Variants in MSR1 observed in about 807,000 individuals in gnomAD.
MSR1 encodes macrophage scavenger receptor types I and II.
A neutral mutation model predicts 47.2 loss-of-function variants in MSR1; 53 were observed. That is an observed-to-expected ratio of 1.12 (90% CI 0.90 to 1.41). The LOEUF is 1.41. MSR1 is among the 40% of genes most tolerant of loss of function. The pLI is 0.00. For missense variants in MSR1, 786 were observed against 546.9 expected, an observed-to-expected ratio of 1.44 and a Z score of -4.36; for synonymous variants, 239 against 185.6, an observed-to-expected ratio of 1.29 and a Z score of -2.34.
At chr8:16,117,176 C>T (rs1456482197) in intron 9 of MSR1, among the ~76,000 whole-genome samples, 1 of 152,142 alleles carries the variant, frequency 6.6e-6, no homozygotes, top group Non-Finnish European at 1.5e-5. Flanking sequence ...CGCTCCCTAT[C>T]ACTCACATTA....
intron 8 of MSR1, among the ~76,000 whole-genome samples, chr8:16,135,580 T>C (rs1800368875): frequency 6.6e-6 from 1 of 152,144 alleles, no homozygotes; most frequent in Non-Finnish European, 1.5e-5. Flanking sequence ...CAATATCCAT[T>C]GTGTAGCCCA....
intron 1 of MSR1, among the ~76,000 whole-genome samples, chr8:16,179,060 T>C (rs531947271): frequency 7.9e-5 from 12 of 152,226 alleles, no homozygotes; most frequent in Non-Finnish European, 1.3e-4. Flanking sequence ...TGTATCTTTC[T>C]ATTTACAAAC....
intron 9 of MSR1, among the ~76,000 whole-genome samples, chr8:16,111,081 AT>A (rs1056742635): frequency 1.5e-4 from 23 of 152,172 alleles, no homozygotes; most frequent in African/African-American, 5.3e-4. Context: ...CATGTTTCCT[AT>A]TGTGTTTGTG....
intron 8 of MSR1, among the ~76,000 whole-genome samples, chr8:16,137,940 T>A (rs1166114878): frequency 6.6e-6 from 1 of 151,684 alleles, no homozygotes; most frequent in African/African-American, 2.4e-5. Flanking sequence ...TGCAGGGAGC[T>A]ATGGTCGTGC....
Position 16,168,797 on chromosome 8 carries a change from G to C in MSR1, c.291C>G (p.Leu97=), listed in dbSNP as rs112531299. ...CTTCGCTGTCATTTCCTTTTCCCGT[G>C]AGACTTTGAGTTATATCATTTGCAT... is the stretch of plus-strand genomic sequence containing the variant. ...STNANDITQS[L]TGKGNDSEEE... Residue 97 remains leucine (L), a synonymous_variant, in exon 4 of 10, where the codon CTC becomes CTG. Coordinates refer to ENST00000262101, the MANE Select transcript of MSR1 (RefSeq NM_138715.3). The C allele has an allele frequency of 3.5e-4, 558 of 1,613,972 alleles. 4 individuals carry two copies. In the African/African-American group the frequency reaches 6.1e-3, roughly 18 times the overall value.
intron 8 of MSR1, among the ~76,000 whole-genome samples, chr8:16,132,729 C>T (rs1428010581): frequency 6.6e-6 from 1 of 152,112 alleles, no homozygotes; most frequent in Non-Finnish European, 1.5e-5. Context: ...AGGTGATCTT[C>T]CCACTGCAGC....
At chr8:16,136,296 A>T (rs566869783) in intron 8 of MSR1, among the ~76,000 whole-genome samples, 6 of 152,332 alleles carry the variant, frequency 3.9e-5, no homozygotes, top group Non-Finnish European at 7.3e-5. Flanking sequence ...CACGCTGATT[A>T]GTAAGCAGCC....
In MSR1 at chr8:16,178,162, G is replaced by A. The variant is rs139743125; in HGVS notation, c.-4-170C>T. On this transcript the variant is annotated intron_variant, in intron 1 of 9. Transcript: ENST00000262101. The stretch of plus-strand genomic sequence containing the variant: ...GTACATGTGCACAACGTGCAGGTCT[G>A]TCATATATTATACATGTACCATGTT... Among the ~76,000 whole-genome samples the A allele has an allele frequency of 1.6e-3, 238 of 150,732 alleles. 1 individual carries two copies. In the Middle Eastern group the frequency reaches 0.031, roughly 20 times the overall value.
At chr8:16,141,888 G>T (rs575127001) in intron 8 of MSR1, among the ~76,000 whole-genome samples, 2 of 152,102 alleles carry the variant, frequency 1.3e-5, no homozygotes, top group African/African-American at 4.8e-5. Flanking sequence ...CTCAGAGAAA[G>T]CCTCAGGAAA....
intron 8 of MSR1, among the ~76,000 whole-genome samples, chr8:16,133,820 G>C (rs1800321159): frequency 6.6e-6 from 1 of 152,090 alleles, no homozygotes; most frequent in Non-Finnish European, 1.5e-5. Flanking sequence ...AAGCTCTGCT[G>C]TTGTCTGCAG....
At chr8:16,127,367 C>A (rs1563142265) in intron 8 of MSR1, among the ~76,000 whole-genome samples, 1 of 152,128 alleles carries the variant, frequency 6.6e-6, no homozygotes. Flanking sequence ...ACATCGCCGC[C>A]CAATAAGCAA....
chr8:16,164,526 G>T (rs891343423), intron 4 of MSR1, among the ~76,000 whole-genome samples: 1 of 151,770 alleles, frequency 6.6e-6, no homozygotes, highest in Non-Finnish European at 1.5e-5. Context: ...TATATATATA[G>T]ATGTCAAAAT....
At chr8:16,112,011 T>G (rs1799766937) in intron 9 of MSR1, among the ~76,000 whole-genome samples, 1 of 152,140 alleles carries the variant, frequency 6.6e-6, no homozygotes, top group Non-Finnish European at 1.5e-5. Context: ...CATACTCTTG[T>G]GGACTGACTT....
intron 9 of MSR1, among the ~76,000 whole-genome samples, chr8:16,120,066 C>G (rs946842246): frequency 6.6e-6 from 1 of 151,806 alleles, no homozygotes; most frequent in Non-Finnish European, 1.5e-5. Flanking sequence ...AGAATGCCTA[C>G]ATTTCATTTT....
intron 1 of MSR1, among the ~76,000 whole-genome samples, chr8:16,179,784 G>A (rs1027197014): frequency 1.5e-5 from 2 of 136,940 alleles, no homozygotes; most frequent in African/African-American, 2.7e-5. Flanking sequence ...GGCTGAGGCA[G>A]TAAAATCGCT....
intron 2 of MSR1, among the ~76,000 whole-genome samples, chr8:16,177,173 T>A (rs896812894): frequency 2.6e-5 from 4 of 152,172 alleles, no homozygotes; most frequent in Non-Finnish European, 4.4e-5. Flanking sequence ...CACCAACAGA[T>A]ATGTTAAAGT....
chr8:16,187,141 T>C (rs939413458), intron 1 of MSR1, among the ~76,000 whole-genome samples: 2 of 151,352 alleles, frequency 1.3e-5, no homozygotes, highest in Non-Finnish European at 1.5e-5. Context: ...GGCGGGTGGA[T>C]CACCTGAGGT....
chr8:16,134,033 G>GTA (rs1800325935), intron 8 of MSR1, among the ~76,000 whole-genome samples: 1 of 152,112 alleles, frequency 6.6e-6, no homozygotes, highest in African/African-American at 2.4e-5. Context: ...AGCTGCTGCA[G>GTA]GGTTCATCTT....
chr8:16,191,392 T>G (rs1339033785), intron 1 of MSR1, among the ~76,000 whole-genome samples: 1 of 152,170 alleles, frequency 6.6e-6, no homozygotes, highest in Non-Finnish European at 1.5e-5. Flanking sequence ...TGAACTTTCT[T>G]TAGATATGTA....
Sources: gnomAD v4.1 joint callset for allele counts (sites outside exome capture counted in the v4.1 genomes callset) on GRCh38, gnomAD v4.1.1 for gene constraint, MANE v1.5 for transcripts, NCBI Gene and HGNC (gene_info 2026-07-23, HGNC 2026-07-21) for gene names.